Variants in CTIF observed in about 807,000 individuals in gnomAD.
CTIF encodes the protein CBP80/20-dependent translation initiation factor.
A neutral mutation model predicts 66.0 loss-of-function variants in CTIF; 21 were observed. The ratio of observed to expected loss-of-function variants is 0.32; its 90% CI spans 0.23 to 0.46. The LOEUF is 0.46. CTIF is among the 20% of genes least tolerant of loss of function. CTIF has a pLI of 1.00. For synonymous variants in CTIF, 345 were observed against 326.4 expected, an observed-to-expected ratio of 1.06 and a Z score of -0.62; for missense variants, 739 against 812.7, an observed-to-expected ratio of 0.91 and a Z score of 1.10.
chr18:48,685,388 A>T, intron 6 of CTIF, among the ~76,000 whole-genome samples: 1 of 151,844 alleles, frequency 6.6e-6, no homozygotes, highest in East Asian at 1.9e-4. Context: ...ACGCCCGGCT[A>T]ATTTTTCTAT....
At chr18:48,827,113 G>T (rs528146379) in intron 10 of CTIF, among the ~76,000 whole-genome samples, 1 of 152,124 alleles carries the variant, frequency 6.6e-6, no homozygotes, top group Non-Finnish European at 1.5e-5. Flanking sequence ...GGCCAGCTCC[G>T]GCTCTCACCA....
chr18:48,702,184 T>A (rs1430532999), intron 6 of CTIF, among the ~76,000 whole-genome samples: 1 of 152,208 alleles, frequency 6.6e-6, no homozygotes, highest in Non-Finnish European at 1.5e-5. Context: ...CAGGACTCTT[T>A]AGACTGTTAC....
intron 1 of CTIF, among the ~76,000 whole-genome samples, chr18:48,554,996 A>C (rs1009963257): frequency 7.0e-6 from 1 of 142,978 alleles, no homozygotes; most frequent in Non-Finnish European, 1.5e-5. Flanking sequence ...TCAGAGTGCC[A>C]AATCTTCTTT....
chr18:48,839,750 T>C (rs1294358909), intron 10 of CTIF, among the ~76,000 whole-genome samples: 2 of 152,154 alleles, frequency 1.3e-5, no homozygotes, highest in Admixed American at 1.3e-4. Context: ...TGCCTCCTTG[T>C]TGAATGAGTG....
At chr18:48,718,517 C>T (rs1398813888) in intron 7 of CTIF, among the ~76,000 whole-genome samples, 1 of 152,152 alleles carries the variant, frequency 6.6e-6, no homozygotes, top group Non-Finnish European at 1.5e-5. Flanking sequence ...GTAAGCATAC[C>T]ATGTGTTACA....
intron 9 of CTIF, among the ~76,000 whole-genome samples, chr18:48,803,208 A>G (rs1353208174): frequency 6.6e-6 from 1 of 152,242 alleles, no homozygotes; most frequent in Non-Finnish European, 1.5e-5. Context: ...AGAGTGATCC[A>G]GATTTAGCTG....
intron 3 of CTIF, among the ~76,000 whole-genome samples, chr18:48,655,297 T>TAAAAA (rs35564462): frequency 1.9e-5 from 2 of 106,238 alleles, no homozygotes; most frequent in African/African-American, 4.6e-5. Context: ...AGAGCAAGAC[T>TAAAAA]AAAAAAAAAA....
In CTIF at chr18:48,593,661, T is replaced by C. The variant is rs573358343; in HGVS notation, c.-28-25877T>C. Among the ~76,000 whole-genome samples the C allele has an allele frequency of 5.1e-4, 77 of 152,092 alleles. 1 individual carries two copies. Among genetic ancestry groups the C allele is most frequent in the Admixed American group, 3.8e-3 (58 of 15,272 alleles). ...CCTCCCAAAGTGCTGGGATTACAGG[T>C]GTGAGCCACCACACCCGGCCAATTC... is the stretch of plus-strand genomic sequence containing the variant. On this transcript the variant is annotated intron_variant, in intron 1 of 11. Transcript: ENST00000256413.
chr18:48,628,132 AG>A (rs2144533434), intron 2 of CTIF, among the ~76,000 whole-genome samples: 1 of 152,362 alleles, frequency 6.6e-6, no homozygotes, highest in Admixed American at 6.5e-5. Context: ...CTGAGCAAAT[AG>A]GATAGACTTT....
intron 10 of CTIF, among the ~76,000 whole-genome samples, chr18:48,833,307 G>A (rs991037263): frequency 1.3e-5 from 2 of 152,194 alleles, no homozygotes; most frequent in Admixed American, 6.5e-5. Context: ...GGGGCCTGGG[G>A]AGTGGAAGTG....
chr18:48,768,718 TG>T lies in CTIF; in HGVS notation c.1371+7032del, dbSNP rs1599008847. Among the ~76,000 whole-genome samples, 3 of 151,970 alleles carry T rather than the reference TG, an allele frequency of 2.0e-5. No individual in the cohort carries two copies. In the East Asian group the frequency reaches 5.8e-4, roughly 29 times the overall value. Reference sequence around the variant, plus strand: ...TGAGGCCAGGAGTTTGAGACCAGCCTGGGCAACATAAAAAGACCCCATCTTT... The same window carrying T: ...TGAGGCCAGGAGTTTGAGACCAGCCTGGCAACATAAAAAGACCCCATCTTT... On this transcript the variant is annotated intron_variant, in intron 9 of 11. Coordinates refer to ENST00000256413, the MANE Select transcript of CTIF (RefSeq NM_014772.3).
At chr18:48,788,250 C>G (rs1180196793) in intron 9 of CTIF, among the ~76,000 whole-genome samples, 1 of 152,178 alleles carries the variant, frequency 6.6e-6, no homozygotes, top group Non-Finnish European at 1.5e-5. Flanking sequence ...GAAACATGCT[C>G]AGGGGCCAGT....
chr18:48,544,261 C>T (rs2088693916), intron 1 of CTIF, among the ~76,000 whole-genome samples: 1 of 152,206 alleles, frequency 6.6e-6, no homozygotes, highest in Non-Finnish European at 1.5e-5. Flanking sequence ...CACAAATTAT[C>T]CCATCTGCCT....
chr18:48,794,086 A>C (rs1389594396), intron 9 of CTIF, among the ~76,000 whole-genome samples: 1 of 152,084 alleles, frequency 6.6e-6, no homozygotes, highest in Non-Finnish European at 1.5e-5. Context: ...TTTTCTGACT[A>C]GTAGCCCAAA....
intron 3 of CTIF, among the ~76,000 whole-genome samples, chr18:48,646,204 C>T (rs1170516913): frequency 6.6e-6 from 1 of 152,060 alleles, no homozygotes; most frequent in African/African-American, 2.4e-5. Context: ...AAAGAACTCT[C>T]AAAACTCATC....
intron 6 of CTIF, among the ~76,000 whole-genome samples, chr18:48,702,234 G>T (rs1022032387): frequency 6.6e-6 from 1 of 152,164 alleles, no homozygotes; most frequent in African/African-American, 2.4e-5. Context: ...AGAGAGGGGT[G>T]GTTATTCCCT....
chr18:48,814,240 C>T (rs536157725), intron 9 of CTIF, among the ~76,000 whole-genome samples: 1 of 152,296 alleles, frequency 6.6e-6, no homozygotes, highest in Non-Finnish European at 1.5e-5. Flanking sequence ...ACCATTTTAA[C>T]ACCCGAGTTA....
chr18:48,716,185 G>A (rs1451710424), intron 7 of CTIF, among the ~76,000 whole-genome samples: 1 of 152,222 alleles, frequency 6.6e-6, no homozygotes, highest in Non-Finnish European at 1.5e-5. Context: ...TGTGCCATAA[G>A]CTGTGCCCGA....
intron 7 of CTIF, among the ~76,000 whole-genome samples, chr18:48,725,074 G>C (rs1431510142): frequency 2.6e-5 from 4 of 152,238 alleles, no homozygotes; most frequent in African/African-American, 9.6e-5. Context: ...TTCTGGGGTG[G>C]TGTGCATGTT....
Sources: allele counts gnomAD v4.1 joint callset (sites outside exome capture counted in the v4.1 genomes callset), GRCh38; gene constraint gnomAD v4.1.1; transcripts MANE v1.5; gene names NCBI Gene and HGNC (gene_info 2026-07-23, HGNC 2026-07-21).